POMT1: variants seen among roughly 807,000 people sequenced by gnomAD.
The protein encoded by POMT1 is protein O-mannosyltransferase 1, also known as protein O-mannosyl-transferase 1.
POMT1 carries 85 observed loss-of-function variants against 101.6 expected under a neutral mutation model. That is an observed-to-expected ratio of 0.84 (90% CI 0.70 to 1.00). The LOEUF is 1.00. Ranked by LOEUF, POMT1 falls within the 50% of genes least tolerant of loss-of-function variation. The probability of loss-of-function intolerance (pLI) is 0.00; values close to 1 mark genes in which losing one functional copy is unlikely to be tolerated. For missense variants in POMT1, 857 were observed against 930.4 expected (o/e 0.92, Z 1.03); for synonymous variants, 371 against 383.0 (o/e 0.97, Z 0.37).
At chr9:131,507,208 C>A in intron 4 of POMT1, 160 bp from the exon 5 acceptor site, 2 of 978,712 alleles carry the variant, frequency 2.0e-6, no homozygotes, top group Non-Finnish European at 3.2e-6. Context: ...AAAGCCTTCA[C>A]CCATAGTTTA....
chr9:131,507,377 G>A lies in POMT1; in HGVS notation c.290G>A (p.Ser97Asn). 1 of 1,614,174 alleles carries A rather than the reference G, an allele frequency of 6.2e-7. No individual in the cohort carries two copies. Among genetic ancestry groups the A allele is most frequent in the Non-Finnish European group, 8.5e-7 (1 of 1,180,038 alleles). The change falls in exon 5 of 20, where the codon AGC becomes AAC. Residue 97 changes from serine (S) to asparagine (N), a missense_variant. Ser to Asn is a conservative substitution (Grantham distance 46). Transcript: ENST00000402686. ...GTGGTTGCTTTTCCAGAATACAGTA[G>A]CAACGTGCCTGTGTGGTCCCTGCGC... is the stretch of plus-strand genomic sequence containing the variant. ...LWNRIGAEYS[S>N]NVPVWSLRLL...
At chr9:131,511,998 A>G (rs1947217707) in intron 10 of POMT1, 43 bp from the exon 11 acceptor site, 1 of 1,610,644 alleles carries the variant, frequency 6.2e-7, no homozygotes, top group African/African-American at 1.3e-5. Flanking sequence ...GGCCTGAGCC[A>G]CCGCGCCTGG....
Position 131,510,337 on chromosome 9 carries a change from C to T in POMT1, c.777C>T (p.Phe259=), listed in dbSNP as rs766431290. 3 of 1,614,190 alleles carry T rather than the reference C, an allele frequency of 1.9e-6. No individual in the cohort carries two copies. In the East Asian group the frequency reaches 6.7e-5, roughly 36 times the overall value. ...VIPVVLYLLF[F]YVHLILVFRS... ...CGGTCGTCCTGTACTTACTGTTCTTCTACGTCCACTTGATTCTAGTCTTCC... is the reference window on the plus strand; with the variant it reads ...CGGTCGTCCTGTACTTACTGTTCTTTTACGTCCACTTGATTCTAGTCTTCC... The change falls in exon 9 of 20, where the codon TTC becomes TTT. Residue 259 remains phenylalanine, a synonymous_variant. Transcript: ENST00000402686.
At position 131,518,499 on chromosome 9, in the gene POMT1, G is replaced by A; in HGVS notation, c.1327G>A (p.Val443Ile). The A allele has an allele frequency of 6.2e-7, 1 of 1,613,936 alleles. No homozygotes were observed. The highest frequency in any genetic ancestry group is 8.5e-7 in the Non-Finnish European group (1 of 1,180,010). Residue 443 changes from valine to isoleucine, a missense_variant, in exon 14 of 20, where the codon GTC becomes ATC. Val to Ile is a conservative substitution (Grantham distance 29). Coordinates refer to ENST00000402686, the MANE Select transcript of POMT1 (RefSeq NM_001077365.2). ...TDVWKTILSE[V>I]RFVHVNTSAV... ...CGTCTGGAAGACCATCCTCTCAGAG[G>A]TCCGCTTTGTGCACGTGAACACTTC...
rs752320381 is a variant in POMT1, at chr9:131,507,070, GA to G, written c.281-285del. Among the ~76,000 whole-genome samples, 869 of 132,830 alleles carry G rather than the reference GA, an allele frequency of 6.5e-3. 3 individuals are homozygous for G. Among genetic ancestry groups the G allele is most frequent in the African/African-American group, 0.013 (465 of 36,152 alleles). 87.1% of individuals were successfully genotyped at this position (132,830 alleles called of 152,430 possible). A position where few individuals can be genotyped will look rare whatever the true frequency, so the allele number is the denominator to read the frequency against. The stretch of plus-strand genomic sequence containing the variant: ...GGACAGAGCAAGACTCCGTCTCAGA[GA>G]AAAAAAAAAAAAGAAAAAAGAAAAC... On this transcript the variant is annotated intron_variant, in intron 4 of 19. Coordinates refer to ENST00000402686, the MANE Select transcript of POMT1 (RefSeq NM_001077365.2).
At chr9:131,507,064 C>T (rs1335784898) in intron 4 of POMT1, among the ~76,000 whole-genome samples, 1 of 147,896 alleles carries the variant, frequency 6.8e-6, no homozygotes, top group Non-Finnish European at 1.5e-5. Context: ...AAGACTCCGT[C>T]TCAGAGAAAA....
intron 13 of POMT1, among the ~76,000 whole-genome samples, chr9:131,517,812 T>C (rs1390291894): frequency 1.3e-5 from 2 of 152,206 alleles, no homozygotes; most frequent in Non-Finnish European, 2.9e-5. Flanking sequence ...GGAGGGAGCA[T>C]GCGTGAGGTG....
rs1950330061 is a variant in POMT1 at position 131,523,313 on chromosome 9, T to TAAAG, written c.*209_*212dup. The TAAAG allele has an allele frequency of 4.7e-6, 3 of 636,108 alleles. No individual in the cohort carries two copies. Among genetic ancestry groups the TAAAG allele is most frequent in the African/African-American group, 1.8e-5 (1 of 55,088 alleles). The allele number at this position is 636,108 out of a possible 1,614,324, so 39.4% of individuals were successfully genotyped here. The stretch of plus-strand genomic sequence containing the variant: ...TGCAAAGTTAATTTTTTCTCGACAA[T>TAAAG]AAAGATATTCCGTGTCTTTACCCCT... On this transcript the variant is annotated 3_prime_UTR_variant, in exon 20 of 20. Coordinates refer to ENST00000402686, the MANE Select transcript of POMT1 (RefSeq NM_001077365.2).
Position 131,522,286 on chromosome 9 carries a change from C to A in POMT1, c.2003+62C>A, listed in dbSNP as rs991130751. Reference sequence around the variant, plus strand: ...GCAGCCCTCTGCTGGGAAGCCCATGCGCAGCAAACACATGGGGTGCAGCGA... The same window carrying A: ...GCAGCCCTCTGCTGGGAAGCCCATGAGCAGCAAACACATGGGGTGCAGCGA... On this transcript the variant is annotated intron_variant, in intron 19 of 19. Coordinates refer to ENST00000402686, the MANE Select transcript of POMT1 (RefSeq NM_001077365.2). This position sits in a 1 kb window ranked among gnomAD's most constrained non-coding sequence, Gnocchi z 5.5. The A allele has an allele frequency of 6.2e-7, 1 of 1,603,572 alleles. No homozygotes were observed. Among genetic ancestry groups the A allele is most frequent in the Non-Finnish European group, 8.5e-7 (1 of 1,178,982 alleles).
chr9:131,504,490 C>A, intron 2 of POMT1, 150 bp downstream of exon 2: 1 of 1,162,316 alleles, frequency 8.6e-7, no homozygotes, highest in Non-Finnish European at 1.3e-6. Context: ...CAGTCTGTCC[C>A]CAGGACAGCC....
intron 11 of POMT1, among the ~76,000 whole-genome samples, chr9:131,513,025 C>T (rs1007881736): frequency 7.2e-5 from 11 of 152,188 alleles, no homozygotes; most frequent in Admixed American, 1.3e-4. Flanking sequence ...GTGTGATGAC[C>T]GCGGGTAGAA....
At chr9:131,505,836 G>A (rs966132262) in intron 2 of POMT1, among the ~76,000 whole-genome samples, 1 of 152,168 alleles carries the variant, frequency 6.6e-6, no homozygotes, top group Non-Finnish European at 1.5e-5. Context: ...TTGGCTCATA[G>A]TATCCACCTA....
chr9:131,511,658 G>A lies in POMT1; in HGVS notation c.986+191G>A, dbSNP rs115332141. 1.2e-3 allele frequency: 847 copies of A among 710,800 alleles called. 2 individuals carry two copies. The African/African-American group carries it at 0.014, about 11-fold the overall frequency. The allele number at this position is 710,800 out of a possible 1,614,324, so 44.0% of individuals were successfully genotyped here. On this transcript the variant is annotated intron_variant, in intron 10 of 19. Coordinates refer to ENST00000402686, the MANE Select transcript of POMT1 (RefSeq NM_001077365.2). ...GCTGGAGGGACTTGGCGTGTGGCAG[G>A]GCCCAGGGTCGGCCCCAGCTCTGTG...
rs903570887 is a variant in POMT1 at position 131,523,372 on chromosome 9, C to T, written c.*266C>T. 1.6e-5 allele frequency: 8 copies of T among 494,934 alleles called. No homozygotes were observed. Among genetic ancestry groups the T allele is most frequent in the Non-Finnish European group, 2.6e-5 (7 of 271,792 alleles). The allele number at this position is 494,934 out of a possible 1,614,324, so 30.7% of individuals were successfully genotyped here. A position where few individuals can be genotyped will look rare whatever the true frequency, so the allele number is the denominator to read the frequency against. On this transcript the variant is annotated 3_prime_UTR_variant, in exon 20 of 20. Coordinates refer to ENST00000402686, the MANE Select transcript of POMT1 (RefSeq NM_001077365.2). ...ACACAGGGAGTATTTCAGAGGCCAG[C>T]GTAGGAGTCATTGACAACAAAAAGC...
At position 131,506,130 on chromosome 9, in the gene POMT1, T is replaced by G. The variant is rs1945758260; in HGVS notation, c.139T>G (p.Tyr47Asp). 1 of 1,613,998 alleles carries G rather than the reference T, an allele frequency of 6.2e-7. No homozygotes were observed. The highest frequency in any genetic ancestry group is 1.3e-5 in the African/African-American group (1 of 75,044). ...PRAVVFDEVY[Y>D]GQYISFYMKQ... ...TTTTTCTAGTTTTGACGAAGTATAT[T>G]ATGGGCAGTACATCTCTTTTTACAT... is the stretch of plus-strand genomic sequence containing the variant. The change falls in exon 3 of 20, where the codon TAT (tyrosine) becomes GAT (aspartate). Residue 47 changes from tyrosine (Y) to aspartate (D), a missense_variant. Coordinates refer to ENST00000402686, the MANE Select transcript of POMT1 (RefSeq NM_001077365.2).
chr9:131,517,263 C>A (rs1948903435), intron 13 of POMT1, among the ~76,000 whole-genome samples: 1 of 150,696 alleles, frequency 6.6e-6, no homozygotes, highest in Admixed American at 6.6e-5. Flanking sequence ...CTGGGTCTCA[C>A]TCTGTCACCC....
Position 131,523,123 on chromosome 9 carries a change from A to C in POMT1, c.*17A>C. 1 of 1,608,886 alleles carries C rather than the reference A, an allele frequency of 6.2e-7. No individual in the cohort carries two copies. Among genetic ancestry groups the C allele is most frequent in the Non-Finnish European group, 8.5e-7 (1 of 1,179,350 alleles). On this transcript the variant is annotated 3_prime_UTR_variant, in exon 20 of 20. Coordinates refer to ENST00000402686, the MANE Select transcript of POMT1 (RefSeq NM_001077365.2). The stretch of plus-strand genomic sequence containing the variant: ...AAACACTAGAACAAGAGTGTGGCAA[A>C]GAACACCCGTGCTGGGGTCGGGATG...
rs1187716460 is a variant in POMT1, at chr9:131,502,929, C to T, written c.-175C>T. 2 of 152,318 alleles carry T rather than the reference C, an allele frequency of 1.3e-5. No homozygotes were observed. The highest frequency in any genetic ancestry group is 2.9e-5 in the Non-Finnish European group (2 of 68,104). 9.4% of individuals were successfully genotyped at this position (152,318 alleles called of 1,614,324 possible). On this transcript the variant is annotated 5_prime_UTR_variant, in exon 1 of 20. Coordinates refer to ENST00000402686, the MANE Select transcript of POMT1 (RefSeq NM_001077365.2). ...GCGCGCTGCTGCCCGTCTGGCCCCG[C>T]AGGCTCGGTGAATCGAACGTTGAGC...
At chr9:131,521,983 A>G in intron 18 of POMT1, 64 bp from the exon 19 acceptor site, 1 of 1,608,220 alleles carries the variant, frequency 6.2e-7, no homozygotes, top group Non-Finnish European at 8.5e-7. Context: ...AAAAAAGCAA[A>G]AGAGAGAGAA....
Sources: gnomAD v4.1 joint callset for allele counts (sites outside exome capture counted in the v4.1 genomes callset) on GRCh38, gnomAD v4.1.1 for gene constraint, Gnocchi (gnomAD v3.1) non-coding constraint, MANE v1.5 for transcripts, NCBI Gene and HGNC (gene_info 2026-07-23, HGNC 2026-07-21) for gene names.